The following LYZL6 variants were observed in gnomAD, a reference collection of about 807,000 sequenced individuals.
LYZL6 encodes the protein lysozyme like 6.
Under a neutral mutation model 15.0 loss-of-function variants are expected in LYZL6, and 21 were observed. The ratio of observed to expected loss-of-function variants is 1.40; its 90% CI spans 1.00 to 2.02. The LOEUF is 2.02. LYZL6 is among the 30% of genes most tolerant of loss of function. The pLI is 0.00. For missense variants in LYZL6, 173 were observed against 180.5 expected (o/e 0.96, Z 0.24); for synonymous variants, 72 against 67.8 (o/e 1.06, Z -0.31).
intron 1 of LYZL6, among the ~76,000 whole-genome samples, chr17:35,941,220 G>A (rs2089422356): frequency 6.6e-6 from 1 of 152,194 alleles, no homozygotes; most frequent in Admixed American, 6.5e-5. Flanking sequence ...TCACCCTGTT[G>A]TTTTAATTTG....
chr17:35,936,665 G>T, intron 4 of LYZL6, 90 bp downstream of exon 4: 1 of 1,042,536 alleles, frequency 9.6e-7, no homozygotes, highest in South Asian at 1.3e-5. Flanking sequence ...CTGCAAGGGC[G>T]TGCCCGTGAG....
intron 1 of LYZL6, among the ~76,000 whole-genome samples, chr17:35,941,292 C>T (rs761656860): frequency 8.0e-4 from 122 of 152,182 alleles, no homozygotes; most frequent in Non-Finnish European, 1.4e-3. Context: ...CACTGTATAT[C>T]TTTGGGAAAA....
At position 35,936,845 on chromosome 17, in the gene LYZL6, G is replaced by C; in HGVS notation, c.299-12C>G. 1 of 1,612,306 alleles carries C rather than the reference G, an allele frequency of 6.2e-7. No homozygotes were observed. Among genetic ancestry groups the C allele is most frequent in the Non-Finnish European group, 8.5e-7 (1 of 1,179,108 alleles). On this transcript the variant is annotated splice_polypyrimidine_tract_variant and intron_variant, in intron 3 of 4. Coordinates refer to ENST00000615905, the MANE Select transcript of LYZL6 (RefSeq NM_020426.4). ...GGGATTCAGCAGATCTGAAAGGGAGGAAGAGAAAACCTGTGAGGGCACAGA... is the reference window on the plus strand; with the variant it reads ...GGGATTCAGCAGATCTGAAAGGGAGCAAGAGAAAACCTGTGAGGGCACAGA...
chr17:35,942,724 G>A (rs970690309), intron 1 of LYZL6, among the ~76,000 whole-genome samples: 4 of 152,140 alleles, frequency 2.6e-5, no homozygotes, highest in Non-Finnish European at 4.4e-5. Flanking sequence ...AGTCTCCTGG[G>A]TAATCACCAA....
At chr17:35,937,950 G>C (rs767278323) in intron 2 of LYZL6, 34 bp from the exon 3 acceptor site, 6 of 1,604,748 alleles carry the variant, frequency 3.7e-6, no homozygotes, top group Non-Finnish European at 5.1e-6. Flanking sequence ...AGGATTTAGA[G>C]GGGACCAAGC....
intron 1 of LYZL6, among the ~76,000 whole-genome samples, chr17:35,942,901 CA>C (rs2089434645): frequency 6.6e-6 from 1 of 152,114 alleles, no homozygotes; most frequent in African/African-American, 2.4e-5. Context: ...CCCAGATAAG[CA>C]AGACAAAGAG....
At chr17:35,937,949 A>G (rs761599807) in intron 2 of LYZL6, 33 bp from the exon 3 acceptor site, 38 of 1,604,686 alleles carry the variant, frequency 2.4e-5, no homozygotes, top group Non-Finnish European at 2.7e-5. Flanking sequence ...CAGGATTTAG[A>G]GGGGACCAAG....
At chr17:35,934,908 C>G in intron 4 of LYZL6, 43 bp from the exon 5 acceptor site, 1 of 1,587,352 alleles carries the variant, frequency 6.3e-7, no homozygotes, top group East Asian at 2.2e-5. Flanking sequence ...CACTCAGTAA[C>G]TCTTCCACAC....
In LYZL6 at chr17:35,934,688, G is replaced by A; in HGVS notation, c.*108C>T. The stretch of plus-strand genomic sequence containing the variant: ...TCTGGTCAGTTTTAGTTGTAAATGG[G>A]AAGGGAAGAAAATAACATGAAGTGG... On this transcript the variant is annotated 3_prime_UTR_variant, in exon 5 of 5. Coordinates refer to ENST00000615905, the MANE Select transcript of LYZL6 (RefSeq NM_020426.4). 1.8e-6 allele frequency: 2 copies of A among 1,087,078 alleles called. No individual in the cohort carries two copies. The highest frequency in any genetic ancestry group is 2.7e-6 in the Non-Finnish European group (2 of 731,374). 67.3% of individuals were successfully genotyped at this position (1,087,078 alleles called of 1,614,324 possible). A position where few individuals can be genotyped will look rare whatever the true frequency, so the allele number is the denominator to read the frequency against.
intron 1 of LYZL6, among the ~76,000 whole-genome samples, chr17:35,942,259 T>G (rs1017508357): frequency 1.3e-5 from 2 of 152,232 alleles, no homozygotes; most frequent in African/African-American, 4.8e-5. Context: ...GCCAGGAGTT[T>G]GAGACCAACC....
chr17:35,937,950 G>A (rs767278323), intron 2 of LYZL6, 34 bp from the exon 3 acceptor site: 2 of 1,604,628 alleles, frequency 1.2e-6, no homozygotes, highest in Non-Finnish European at 8.5e-7. Flanking sequence ...AGGATTTAGA[G>A]GGGACCAAGC....
At chr17:35,943,122 A>G (rs1213151227) in intron 1 of LYZL6, among the ~76,000 whole-genome samples, 2 of 152,110 alleles carry the variant, frequency 1.3e-5, no homozygotes, top group Non-Finnish European at 2.9e-5. Context: ...TCTGTCTGTG[A>G]CAGAGAGCTG....
intron 1 of LYZL6, among the ~76,000 whole-genome samples, chr17:35,941,070 C>G (rs1407880622): frequency 6.6e-6 from 1 of 152,142 alleles, no homozygotes. Flanking sequence ...CTTATGAGGC[C>G]TACCAGATTT....
In LYZL6 at chr17:35,939,231, G is replaced by A. The variant is rs1329886002; in HGVS notation, c.126C>T (p.Tyr42=). The A allele has an allele frequency of 3.7e-6, 6 of 1,613,894 alleles. 1 individual carries two copies. In the Admixed American group the frequency reaches 1.0e-4, roughly 27 times the overall value. Residue 42 remains tyrosine, a synonymous_variant, in exon 2 of 5, where the codon TAC becomes TAT. Coordinates refer to ENST00000615905, the MANE Select transcript of LYZL6 (RefSeq NM_020426.4). ...GATGGTACTCACAGTCACTCAGGGA[G>A]TAACCCTCAAACCCATCCAAGTCCT... ...QLEDLDGFEG[Y]SLSDWLCLAF... is the part of the protein sequence containing the mutation.
At chr17:35,938,916 T>C (rs2089401161) in intron 2 of LYZL6, among the ~76,000 whole-genome samples, 1 of 152,206 alleles carries the variant, frequency 6.6e-6, no homozygotes, top group African/African-American at 2.4e-5. Flanking sequence ...CTTCATAGCA[T>C]TGGTCACCAC....
At chr17:35,938,446 T>C (rs1190888864) in intron 2 of LYZL6, among the ~76,000 whole-genome samples, 3 of 151,956 alleles carry the variant, frequency 2.0e-5, no homozygotes, top group East Asian at 3.9e-4. Flanking sequence ...GGTGAAACCC[T>C]GTCTCTACTA....
chr17:35,940,360 G>A (rs1027539799), intron 1 of LYZL6, among the ~76,000 whole-genome samples: 1 of 152,162 alleles, frequency 6.6e-6, no homozygotes, highest in African/African-American at 2.4e-5. Context: ...GAGCAGGAAA[G>A]GGTTATGAGA....
chr17:35,936,110 C>G (rs888544027), intron 4 of LYZL6, among the ~76,000 whole-genome samples: 2 of 152,210 alleles, frequency 1.3e-5, no homozygotes, highest in Non-Finnish European at 2.9e-5. Flanking sequence ...CCACCATGCC[C>G]GGTCCACATT....
intron 4 of LYZL6, 69 bp from the exon 5 acceptor site, chr17:35,934,934 T>C (rs1301253306): frequency 1.3e-6 from 2 of 1,499,012 alleles, no homozygotes; most frequent in African/African-American, 1.4e-5. Context: ...ACCCAGTTCT[T>C]GGTGAGTCTC....
Sources: allele counts gnomAD v4.1 joint callset (sites outside exome capture counted in the v4.1 genomes callset), GRCh38; gene constraint gnomAD v4.1.1; transcripts MANE v1.5; gene names NCBI Gene and HGNC (gene_info 2026-07-23, HGNC 2026-07-21).